The following NARS2 variants were observed in gnomAD, a reference collection of about 807,000 sequenced individuals.
The protein encoded by NARS2 is asparaginyl-tRNA synthetase.
Under a neutral mutation model 62.9 loss-of-function variants are expected in NARS2, and 60 were observed. That is an observed-to-expected ratio of 0.95 (90% confidence interval 0.77 to 1.18). The LOEUF (loss-of-function observed/expected upper bound fraction) is 1.18, where lower values mean the gene tolerates loss of function less well. Ranked by LOEUF, NARS2 falls within the 50% of genes most tolerant of loss-of-function variation. The pLI is 0.00. For missense variants in NARS2, 619 were observed against 576.4 expected, an observed-to-expected ratio of 1.07 and a Z score of -0.76; for synonymous variants, 196 against 200.0, an observed-to-expected ratio of 0.98 and a Z score of 0.17.
At chr11:78,528,226 TA>T in intron 6 of NARS2, among the ~76,000 whole-genome samples, 1 of 151,874 alleles carries the variant, frequency 6.6e-6, no homozygotes, top group African/African-American at 2.4e-5. Context: ...ATCCCACCTC[TA>T]AAAAAAATAA....
chr11:78,526,619 C>T (rs886521263), intron 6 of NARS2, among the ~76,000 whole-genome samples: 1 of 152,078 alleles, frequency 6.6e-6, no homozygotes, highest in Admixed American at 6.6e-5. Flanking sequence ...TACTTCATGG[C>T]ACACTAAAAA....
At chr11:78,490,440 A>G (rs189467216) in intron 7 of NARS2, among the ~76,000 whole-genome samples, 1 of 152,376 alleles carries the variant, frequency 6.6e-6, no homozygotes, top group African/African-American at 2.4e-5. Context: ...CTGGACATTA[A>G]TCACCAAAGC....
At chr11:78,462,331 TGGC>T (rs925722672) in intron 11 of NARS2, among the ~76,000 whole-genome samples, 3 of 152,198 alleles carry the variant, frequency 2.0e-5, no homozygotes, top group Admixed American at 6.5e-5. Flanking sequence ...TCCTTTTTGC[TGGC>T]AACCTGGGGG....
intron 5 of NARS2, among the ~76,000 whole-genome samples, chr11:78,538,545 G>T (rs1196084156): frequency 6.6e-6 from 1 of 152,138 alleles, no homozygotes; most frequent in Admixed American, 6.6e-5. Context: ...AGACCTGAAA[G>T]ATAAGAATGT....
chr11:78,554,195 G>T (rs1413365116), intron 5 of NARS2, among the ~76,000 whole-genome samples: 1 of 152,078 alleles, frequency 6.6e-6, no homozygotes, highest in East Asian at 1.9e-4. Flanking sequence ...TTTTTGCTTA[G>T]GATTGCCTTG....
intron 11 of NARS2, among the ~76,000 whole-genome samples, chr11:78,453,341 G>GAAAT (rs1858040011): frequency 6.6e-6 from 1 of 152,038 alleles, no homozygotes; most frequent in African/African-American, 2.4e-5. Flanking sequence ...ATGCTGTCTA[G>GAAAT]AAATAGTTTG....
chr11:78,558,845 C>T (rs779065478), intron 5 of NARS2, among the ~76,000 whole-genome samples: 1 of 152,126 alleles, frequency 6.6e-6, no homozygotes, highest in Non-Finnish European at 1.5e-5. Flanking sequence ...CACATGTATA[C>T]TCTTCTATTT....
chr11:78,546,081 G>A (rs1855863864), intron 5 of NARS2, among the ~76,000 whole-genome samples: 1 of 152,144 alleles, frequency 6.6e-6, no homozygotes, highest in Non-Finnish European at 1.5e-5. Context: ...GTTCTTGTAT[G>A]GAGTCTCTCA....
chr11:78,549,686 AAAC>A (rs1856020276), intron 5 of NARS2, among the ~76,000 whole-genome samples: 1 of 152,190 alleles, frequency 6.6e-6, no homozygotes, highest in East Asian at 1.9e-4. Flanking sequence ...CAGACTTTGA[AAAC>A]AATAGCACAA....
intron 6 of NARS2, among the ~76,000 whole-genome samples, chr11:78,520,571 T>G (rs996762426): frequency 2.0e-5 from 3 of 152,154 alleles, no homozygotes; most frequent in African/African-American, 7.2e-5. Flanking sequence ...TGGAGGTTTA[T>G]CCATAAAAAC....
chr11:78,482,577 A>G (rs1859402722), intron 7 of NARS2, among the ~76,000 whole-genome samples: 1 of 152,244 alleles, frequency 6.6e-6, no homozygotes, highest in African/African-American at 2.4e-5. Context: ...CAGATCCCAT[A>G]GAAATACAAA....
At chr11:78,545,842 C>G (rs949929970) in intron 5 of NARS2, among the ~76,000 whole-genome samples, 2 of 152,152 alleles carry the variant, frequency 1.3e-5, no homozygotes, top group African/African-American at 4.8e-5. Flanking sequence ...CTGGTCCACT[C>G]ATGCTTTTTG....
intron 7 of NARS2, among the ~76,000 whole-genome samples, chr11:78,489,965 G>A (rs889092876): frequency 6.6e-6 from 1 of 152,122 alleles, no homozygotes; most frequent in African/African-American, 2.4e-5. Context: ...TTGAGCCCCA[G>A]GAGTTCATGG....
intron 6 of NARS2, among the ~76,000 whole-genome samples, chr11:78,494,675 T>A (rs902304703): frequency 6.6e-6 from 1 of 152,050 alleles, no homozygotes; most frequent in Non-Finnish European, 1.5e-5. Context: ...ATTGAAAAAA[T>A]AAACAGTAGG....
intron 6 of NARS2, among the ~76,000 whole-genome samples, chr11:78,497,885 T>C (rs1191770638): frequency 6.6e-6 from 1 of 152,208 alleles, no homozygotes; most frequent in East Asian, 1.9e-4. Context: ...CTTATCTTTA[T>C]TGCCAAAAAC....
intron 6 of NARS2, among the ~76,000 whole-genome samples, chr11:78,504,856 T>C (rs766398830): frequency 2.0e-5 from 3 of 152,068 alleles, no homozygotes; most frequent in Non-Finnish European, 2.9e-5. Context: ...GAAAAAACCA[T>C]TTTATGCTGA....
At chr11:78,498,842 CAT>C (rs142406823) in intron 6 of NARS2, among the ~76,000 whole-genome samples, 2 of 147,450 alleles carry the variant, frequency 1.4e-5, no homozygotes, top group Non-Finnish European at 3.0e-5. Flanking sequence ...CGACTATATA[CAT>C]ATATATATAT....
At chr11:78,530,940 C>A (rs1437274412) in intron 5 of NARS2, among the ~76,000 whole-genome samples, 1 of 152,036 alleles carries the variant, frequency 6.6e-6, no homozygotes, top group African/African-American at 2.4e-5. Flanking sequence ...AATTACTTTT[C>A]TTTTATATTA....
At chr11:78,493,290 G>C in intron 6 of NARS2, 95 bp from the exon 7 acceptor site, 1 of 1,173,490 alleles carries the variant, frequency 8.5e-7, no homozygotes, top group Non-Finnish European at 1.2e-6. Context: ...ATAAAGTTTT[G>C]TGTGCCTCTG....
Sources: gnomAD v4.1 joint callset for allele counts (sites outside exome capture counted in the v4.1 genomes callset) on GRCh38, gnomAD v4.1.1 for gene constraint, MANE v1.5 for transcripts, NCBI Gene and HGNC (gene_info 2026-07-23, HGNC 2026-07-21) for gene names.